The following PLXDC2 variants were observed in gnomAD, a reference collection of about 807,000 sequenced individuals.
The protein encoded by PLXDC2 is plexin domain containing 2.
In PLXDC2, 40 loss-of-function variants were observed where a neutral mutation model predicts 68.9. That is an observed-to-expected ratio of 0.58 (90% CI 0.45 to 0.76). The LOEUF (loss-of-function observed/expected upper bound fraction) is 0.76. Among genes scored for constraint, PLXDC2 ranks in the 30% least tolerant of loss-of-function variants. The pLI is 0.00. For synonymous variants in PLXDC2, 243 were observed against 234.2 expected, an observed-to-expected ratio of 1.04 and a Z score of -0.34; for missense variants, 644 against 661.9, an observed-to-expected ratio of 0.97 and a Z score of 0.30.
intron 1 of PLXDC2, among the ~76,000 whole-genome samples, chr10:19,940,330 C>A (rs777816057): frequency 6.6e-6 from 1 of 151,888 alleles, no homozygotes. Context: ...TTTAAATGCA[C>A]GTTAACATTC....
chr10:20,097,354 A>C (rs1833364496), intron 4 of PLXDC2, among the ~76,000 whole-genome samples: 1 of 138,712 alleles, frequency 7.2e-6, no homozygotes, highest in Non-Finnish European at 1.7e-5. Flanking sequence ...GGAAAAATGA[A>C]AAAAATTTAA....
chr10:20,099,507 C>A (rs996440755), intron 4 of PLXDC2, among the ~76,000 whole-genome samples: 17 of 152,202 alleles, frequency 1.1e-4, no homozygotes, highest in Non-Finnish European at 1.9e-4. Context: ...CCATCCACTT[C>A]TCACAGATCC....
intron 2 of PLXDC2, among the ~76,000 whole-genome samples, chr10:20,011,375 G>A (rs1835111826): frequency 6.6e-6 from 1 of 152,134 alleles, no homozygotes; most frequent in South Asian, 2.1e-4. Flanking sequence ...AGCATGGAAG[G>A]GGGATTGTAC....
rs372560253 is a variant in PLXDC2, at chr10:20,106,560, G to A, written c.542-36735G>A. On this transcript the variant is annotated intron_variant, in intron 4 of 13. Coordinates refer to ENST00000377252, the MANE Select transcript of PLXDC2 (RefSeq NM_032812.9). ...AGCCTCTCATTGGCAATGTGCATAT[G>A]GGATTGTGCATGTGGGAAGAACAGG... Among the ~76,000 whole-genome samples, 11 of 152,262 alleles carry A rather than the reference G, an allele frequency of 7.2e-5. 3 individuals carry two copies. Among genetic ancestry groups the A allele is most frequent in the Admixed American group, 6.5e-5 (1 of 15,304 alleles).
chr10:20,238,757 A>G (rs1434687905), intron 12 of PLXDC2, among the ~76,000 whole-genome samples: 1 of 147,986 alleles, frequency 6.8e-6, no homozygotes, highest in Admixed American at 6.8e-5. Flanking sequence ...ATATATATAT[A>G]TATGATGTCT....
chr10:20,273,211 A>G (rs1165071420), intron 13 of PLXDC2, among the ~76,000 whole-genome samples: 1 of 152,204 alleles, frequency 6.6e-6, no homozygotes, highest in Non-Finnish European at 1.5e-5. Context: ...CTTACCAAAA[A>G]GTGCATTCAT....
chr10:19,856,379 GACACAC>G (rs34129216), intron 1 of PLXDC2, among the ~76,000 whole-genome samples: 2,143 of 144,196 alleles, frequency 0.015, 35 homozygotes, highest in African/African-American at 0.036. Flanking sequence ...CACACACACA[GACACAC>G]ACACACACAC....
At position 20,258,341 on chromosome 10, in the gene PLXDC2, A is replaced by C. The variant is rs76693397; in HGVS notation, c.1473+12836A>C. ...TCTGTCTTTTCCTTCCTTTCGCCGA[A>C]GACTGACTACTCTGAGAGCTTTGGG... On this transcript the variant is annotated intron_variant, in intron 13 of 13. Coordinates refer to ENST00000377252, the MANE Select transcript of PLXDC2 (RefSeq NM_032812.9). Among the ~76,000 whole-genome samples, 180 of 152,096 alleles carry C rather than the reference A, an allele frequency of 1.2e-3. 2 individuals carry two copies. The East Asian group carries it at 0.033, about 28-fold the overall frequency.
intron 13 of PLXDC2, among the ~76,000 whole-genome samples, chr10:20,255,287 A>T (rs1835729397): frequency 6.6e-6 from 1 of 152,116 alleles, no homozygotes; most frequent in Non-Finnish European, 1.5e-5. Context: ...AATAAATGAA[A>T]ATCTGCAAAG....
At chr10:20,153,535 A>C (rs1438355949) in intron 6 of PLXDC2, among the ~76,000 whole-genome samples, 2 of 152,152 alleles carry the variant, frequency 1.3e-5, no homozygotes, top group African/African-American at 4.8e-5. Context: ...GGTAGAAATG[A>C]TCTTAATCTT....
intron 4 of PLXDC2, among the ~76,000 whole-genome samples, chr10:20,099,318 C>G (rs1833392419): frequency 2.6e-5 from 4 of 152,088 alleles, no homozygotes; most frequent in Non-Finnish European, 4.4e-5. Context: ...TCTTCTTGTT[C>G]ATTCTATTTT....
intron 1 of PLXDC2, among the ~76,000 whole-genome samples, chr10:19,936,511 G>C (rs541606234): frequency 6.6e-6 from 1 of 152,170 alleles, no homozygotes; most frequent in Non-Finnish European, 1.5e-5. Context: ...GTGATGGCTG[G>C]AGTTGGCTCA....
Position 20,029,488 on chromosome 10 carries a change from C to A in PLXDC2, c.325-17381C>A, listed in dbSNP as rs192685589. Among the ~76,000 whole-genome samples, 398 of 152,080 alleles carry A rather than the reference C, an allele frequency of 2.6e-3. 4 individuals carry two copies. Among genetic ancestry groups the A allele is most frequent in the Non-Finnish European group, 5.0e-3 (337 of 67,956 alleles). ...AATGTTTTCCCATATATTTCTTTTT[C>A]TTGGGGTCTTTCCAGCTAGTTCTTA... is the stretch of plus-strand genomic sequence containing the variant. On this transcript the variant is annotated intron_variant, in intron 2 of 13. Coordinates refer to ENST00000377252, the MANE Select transcript of PLXDC2 (RefSeq NM_032812.9).
At chr10:19,840,123 A>G (rs558349882) in intron 1 of PLXDC2, among the ~76,000 whole-genome samples, 3 of 152,282 alleles carry the variant, frequency 2.0e-5, no homozygotes, top group African/African-American at 7.2e-5. Flanking sequence ...ACTAAAATCT[A>G]TCTTGGAAAT....
rs184524453 is a variant in PLXDC2, at chr10:19,945,236, C to A, written c.113-56539C>A. On this transcript the variant is annotated intron_variant, in intron 1 of 13. Transcript: ENST00000377252. ...ACAAGAGCACTTGTAGATTTCTTGGCCCTTTAAAGGCTTCTTTTGCTGACC... is the reference window on the plus strand; with the variant it reads ...ACAAGAGCACTTGTAGATTTCTTGGACCTTTAAAGGCTTCTTTTGCTGACC... 3.3e-5 allele frequency among the ~76,000 whole-genome samples: 5 copies of A among 152,198 alleles called. No homozygotes were observed. In the East Asian group the frequency reaches 9.7e-4, roughly 29 times the overall value.
intron 1 of PLXDC2, among the ~76,000 whole-genome samples, chr10:19,996,818 G>T (rs1834852243): frequency 6.6e-6 from 1 of 152,078 alleles, no homozygotes; most frequent in Non-Finnish European, 1.5e-5. Context: ...TTACATGGAG[G>T]GCAACAGGCA....
chr10:20,089,199 TGTGTGTGTG>T, intron 4 of PLXDC2, among the ~76,000 whole-genome samples: 1 of 150,692 alleles, frequency 6.6e-6, no homozygotes, highest in African/African-American at 2.5e-5. Context: ...TGTGTGTGTG[TGTGTGTGTG>T]TGTGTGTTTA....
intron 1 of PLXDC2, among the ~76,000 whole-genome samples, chr10:19,992,488 G>A (rs1321877515): frequency 6.6e-6 from 1 of 152,112 alleles, no homozygotes; most frequent in Non-Finnish European, 1.5e-5. Context: ...GATTTTATAT[G>A]AAAATTCAGT....
intron 7 of PLXDC2, among the ~76,000 whole-genome samples, chr10:20,167,858 C>T (rs7910949): frequency 0.22 from 33,549 of 152,048 alleles, 4,530 homozygotes; most frequent in East Asian, 0.49. Flanking sequence ...ATTCAAAATG[C>T]TGTAAAGCAA....
Sources: allele counts gnomAD v4.1 joint callset (sites outside exome capture counted in the v4.1 genomes callset), GRCh38; gene constraint gnomAD v4.1.1; transcripts MANE v1.5; gene names NCBI Gene and HGNC (gene_info 2026-07-23, HGNC 2026-07-21).